The following AOPEP variants were observed in gnomAD, a reference collection of about 807,000 sequenced individuals.
AOPEP encodes aminopeptidase O (putative).
AOPEP carries 77 observed loss-of-function variants against 98.1 expected under a neutral mutation model. The ratio of observed to expected loss-of-function variants is 0.78; its 90% CI spans 0.65 to 0.95. The LOEUF is 0.95. Ranked by LOEUF, AOPEP falls within the 40% of genes least tolerant of loss-of-function variation. The probability of loss-of-function intolerance (pLI) is 0.00; values close to 1 mark genes in which losing one functional copy is unlikely to be tolerated. For synonymous variants in AOPEP, 346 were observed against 365.3 expected (o/e 0.95, Z 0.60); for missense variants, 1,024 against 1,024.7 (o/e 1.00, Z 0.01).
At chr9:94,983,004 G>T (rs2060286534) in intron 11 of AOPEP, among the ~76,000 whole-genome samples, 1 of 151,702 alleles carries the variant, frequency 6.6e-6, no homozygotes, top group Non-Finnish European at 1.5e-5. Context: ...ACAGAACTGC[G>T]CTTTTGTTTT....
intron 11 of AOPEP, among the ~76,000 whole-genome samples, chr9:94,995,413 T>C (rs1459935219): frequency 6.6e-6 from 1 of 152,150 alleles, no homozygotes; most frequent in African/African-American, 2.4e-5. Context: ...AGAGGTTGTG[T>C]GACATGCACG....
the AOPEP span, among the ~76,000 whole-genome samples, chr9:95,097,592 A>G: frequency 6.6e-6 from 1 of 152,242 alleles, no homozygotes; most frequent in Non-Finnish European, 1.5e-5. Flanking sequence ...AGGCCTCATC[A>G]GCCCAATACC....
the AOPEP span, among the ~76,000 whole-genome samples, chr9:95,142,701 A>AG: frequency 2.0e-5 from 3 of 152,208 alleles, no homozygotes; most frequent in Non-Finnish European, 2.9e-5. Context: ...TTTAACTCTC[A>AG]GAAGTGGCAT....
At chr9:95,063,537 C>T (rs2067525432) in intron 14 of AOPEP, among the ~76,000 whole-genome samples, 2 of 152,340 alleles carry the variant, frequency 1.3e-5, no homozygotes, top group South Asian at 4.1e-4. Flanking sequence ...AGACTGGGGC[C>T]ATGCCTCAGG....
chr9:95,021,349 G>A (rs1249764496), intron 13 of AOPEP, among the ~76,000 whole-genome samples: 1 of 152,204 alleles, frequency 6.6e-6, no homozygotes, highest in Non-Finnish European at 1.5e-5. Flanking sequence ...GTACTGAGCT[G>A]ATTCAGACTT....
the AOPEP span, among the ~76,000 whole-genome samples, chr9:95,118,794 A>AG: frequency 4.6e-5 from 7 of 152,218 alleles, no homozygotes; most frequent in Admixed American, 3.9e-4. Context: ...TGAATATGCC[A>AG]TAGTCTGTTT....
chr9:94,802,002 T>G (rs1311230896), intron 5 of AOPEP, among the ~76,000 whole-genome samples: 1 of 152,234 alleles, frequency 6.6e-6, no homozygotes, highest in Non-Finnish European at 1.5e-5. Flanking sequence ...CTTTAAAGAC[T>G]GGCTGGCTTG....
the AOPEP span, chr9:95,101,694 G>A: frequency 1.9e-6 from 3 of 1,613,390 alleles, no homozygotes; most frequent in African/African-American, 1.3e-5. Context: ...CACCCACACG[G>A]CCTGCGTGCC....
intron 5 of AOPEP, among the ~76,000 whole-genome samples, chr9:94,869,807 A>G (rs1408020283): frequency 6.6e-6 from 1 of 152,092 alleles, no homozygotes; most frequent in African/African-American, 2.4e-5. Flanking sequence ...TTAGGTAATC[A>G]TTGCCCAATC....
chr9:94,774,311 CAAAAAAAAAAAAA>C (rs34936539), intron 3 of AOPEP, among the ~76,000 whole-genome samples: 1 of 67,808 alleles, frequency 1.5e-5, no homozygotes, highest in African/African-American at 6.0e-5. Flanking sequence ...GACTCCATCT[CAAAAAAAAAAAAA>C]AAAAAAAAAG....
intron 7 of AOPEP, among the ~76,000 whole-genome samples, chr9:94,940,334 G>A (rs1157956736): frequency 2.6e-5 from 4 of 152,166 alleles, no homozygotes; most frequent in Admixed American, 2.0e-4. Context: ...GGCCAGGTGC[G>A]GTGGCTCATG....
intron 5 of AOPEP, among the ~76,000 whole-genome samples, chr9:94,834,637 C>T (rs373686290): frequency 6.6e-6 from 1 of 151,860 alleles, no homozygotes; most frequent in African/African-American, 2.4e-5. Context: ...TACTAAAAAT[C>T]AAAAAATTAG....
chr9:94,777,181 T>C (rs1842295779), intron 3 of AOPEP, among the ~76,000 whole-genome samples: 1 of 152,116 alleles, frequency 6.6e-6, no homozygotes, highest in African/African-American at 2.4e-5. Context: ...ACGCCTGTAA[T>C]CCCAGCACTT....
chr9:94,743,052 G>T (rs557446077), intron 1 of AOPEP, among the ~76,000 whole-genome samples: 1 of 152,196 alleles, frequency 6.6e-6, no homozygotes, highest in Admixed American at 6.5e-5. Context: ...GCCTTGGGAG[G>T]CACCCAGTGT....
chr9:94,807,638 A>G (rs1849521146), intron 5 of AOPEP, among the ~76,000 whole-genome samples: 1 of 152,172 alleles, frequency 6.6e-6, no homozygotes, highest in Admixed American at 6.5e-5. Context: ...TGAATAGAAC[A>G]TACACACTCC....
At chr9:94,833,235 C>CTTT (rs34212567) in intron 5 of AOPEP, among the ~76,000 whole-genome samples, 27,599 of 70,190 alleles carry the variant, frequency 0.39, 6,515 homozygotes, top group East Asian at 0.57. Context: ...CACACCCGTC[C>CTTT]TTTTTTTTTT....
At chr9:94,802,609 A>G (rs183526400) in intron 5 of AOPEP, among the ~76,000 whole-genome samples, 54 of 152,370 alleles carry the variant, frequency 3.5e-4, no homozygotes, top group Middle Eastern at 3.4e-3. Context: ...CCTGAGTACC[A>G]TAAGACCAAA....
intron 13 of AOPEP, among the ~76,000 whole-genome samples, chr9:95,058,059 A>G (rs1298143414): frequency 1.3e-5 from 2 of 152,230 alleles, no homozygotes; most frequent in African/African-American, 2.4e-5. Context: ...GGAGAGGACA[A>G]AAGCTTCCAT....
At chr9:95,146,957 A>G in the AOPEP span, among the ~76,000 whole-genome samples, 2 of 151,638 alleles carry the variant, frequency 1.3e-5, no homozygotes, top group Non-Finnish European at 2.9e-5. Context: ...ATATTTTTTA[A>G]TTTTGAAAAC....
Sources: gnomAD v4.1 joint callset for allele counts (sites outside exome capture counted in the v4.1 genomes callset) on GRCh38, gnomAD v4.1.1 for gene constraint, MANE v1.5 for transcripts, NCBI Gene and HGNC (gene_info 2026-07-23, HGNC 2026-07-21) for gene names.